The following BMS1 variants were observed in gnomAD, a reference collection of about 807,000 sequenced individuals.
BMS1 encodes the protein BMS1 ribosome biogenesis factor.
In BMS1, 53 loss-of-function variants were observed where a neutral mutation model predicts 138.7. The observed-to-expected ratio is 0.38, with a 90% confidence interval of 0.31 to 0.48. The LOEUF (loss-of-function observed/expected upper bound fraction) is 0.48. BMS1 is among the 20% of genes least tolerant of loss of function. The pLI, the probability that BMS1 is intolerant of heterozygous loss-of-function variation, is 0.97. For synonymous variants in BMS1, 504 were observed against 539.9 expected (o/e 0.93, Z 0.92); for missense variants, 1,360 against 1,565.5 (o/e 0.87, Z 2.22).
At position 42,802,194 on chromosome 10, in the gene BMS1, G is replaced by A; in HGVS notation, c.2305G>A (p.Ala769Thr). ...VTGKWEDDKD[A>T]AKVLAEDEEL... ...TGGAAAGTGGGAAGATGATAAAGAT[G>A]CAGCCAAGGTCTTAGCAGAAGATGG... Residue 769 changes from alanine (A) to threonine (T), a missense_variant, in exon 13 of 23, where the codon GCA becomes ACA. This residue lies in a region of BMS1 where 697 missense variants were observed against 686.2 expected (regional missense o/e 1.02). Transcript: ENST00000374518. 6.2e-7 allele frequency: 1 copy of A among 1,613,512 alleles called. No individual in the cohort carries two copies. Among genetic ancestry groups the A allele is most frequent in the Middle Eastern group, 1.7e-4 (1 of 6,058 alleles).
At chr10:42,810,200 GT>G (rs1842131759) in intron 13 of BMS1, among the ~76,000 whole-genome samples, 2 of 102,638 alleles carry the variant, frequency 1.9e-5, no homozygotes, top group Admixed American at 2.1e-4. Flanking sequence ...AAATGTGTGT[GT>G]TTTTTTGTTT....
chr10:42,786,217 T>A (rs1432561398), intron 3 of BMS1, among the ~76,000 whole-genome samples: 1 of 152,212 alleles, frequency 6.6e-6, no homozygotes, highest in African/African-American at 2.4e-5. Context: ...ATGCTTGCCT[T>A]ATGAAGCCAC....
In BMS1 at chr10:42,831,615, T is replaced by C. The variant is rs902660979; in HGVS notation, c.*519T>C. 6.3e-6 allele frequency: 1 copy of C among 157,582 alleles called. No homozygotes were observed. The highest frequency in any genetic ancestry group is 6.0e-5 in the Admixed American group (1 of 16,632). 9.8% of individuals were successfully genotyped at this position (157,582 alleles called of 1,614,324 possible). A position where few individuals can be genotyped will look rare whatever the true frequency, so the allele number is the denominator to read the frequency against. On this transcript the variant is annotated 3_prime_UTR_variant, in exon 23 of 23. Transcript: ENST00000374518. ...CACAAACCTAGATGGTACAGCCTAC[T>C]GTGCACCCAGGATCTATGGGCTCCT...
chr10:42,827,287 A>G (rs970835746), intron 21 of BMS1, among the ~76,000 whole-genome samples: 1 of 152,168 alleles, frequency 6.6e-6, no homozygotes, highest in Non-Finnish European at 1.5e-5. Flanking sequence ...AAGCAGGGTG[A>G]GCCAAATAAA....
At chr10:42,808,625 G>A (rs201803376) in intron 13 of BMS1, among the ~76,000 whole-genome samples, 11 of 152,128 alleles carry the variant, frequency 7.2e-5, no homozygotes, top group Non-Finnish European at 8.8e-5. Context: ...GATGAAATCC[G>A]ATTTACCAGT....
chr10:42,810,817 A>C (rs1378231299), intron 13 of BMS1, among the ~76,000 whole-genome samples: 1 of 152,170 alleles, frequency 6.6e-6, no homozygotes, highest in Non-Finnish European at 1.5e-5. Context: ...GGGTAGTCTG[A>C]GGGTGATGTT....
intron 21 of BMS1, among the ~76,000 whole-genome samples, chr10:42,824,424 T>G (rs1439683309): frequency 6.6e-6 from 1 of 152,228 alleles, no homozygotes; most frequent in Non-Finnish European, 1.5e-5. Context: ...TTTCTCCCAG[T>G]CTATAGGTTC....
intron 13 of BMS1, among the ~76,000 whole-genome samples, chr10:42,807,297 T>G (rs1313277428): frequency 1.3e-5 from 2 of 151,080 alleles, no homozygotes; most frequent in Admixed American, 6.6e-5. Flanking sequence ...TCATACAGTC[T>G]ATAAACTTTT....
intron 19 of BMS1, 102 bp from the exon 20 acceptor site, chr10:42,823,016 G>A: frequency 8.3e-7 from 1 of 1,205,950 alleles, no homozygotes; most frequent in Non-Finnish European, 1.1e-6. Flanking sequence ...CCTTCAGTGA[G>A]TTGTTTTTGT....
In BMS1 at chr10:42,785,612, A is replaced by G; in HGVS notation, c.307A>G (p.Ile103Val). The G allele has an allele frequency of 1.2e-6, 2 of 1,613,974 alleles. No individual in the cohort carries two copies. Among genetic ancestry groups the G allele is most frequent in the South Asian group, 1.1e-5 (1 of 91,076 alleles). ...AAAGAGCACTTTGATACAATGCCTC[A>G]TTCGGAACTTTACCCGGCAGAAGTT... ...VGKSTLIQCL[I>V]RNFTRQKLTE... The change falls in exon 3 of 23, where the codon ATT (isoleucine) becomes GTT (valine). Residue 103 changes from isoleucine (I) to valine (V), a missense_variant. Physicochemically the swap from Ile to Val is conservative, Grantham distance 29 (BLOSUM62 3). Around this residue, in one of 3 missense-constraint regions of BMS1, gnomAD observed 238 missense variants for 311.1 expected, o/e 0.77. Coordinates refer to ENST00000374518, the MANE Select transcript of BMS1 (RefSeq NM_014753.4).
At chr10:42,828,279 A>G (rs1368653183) in intron 21 of BMS1, among the ~76,000 whole-genome samples, 1 of 152,234 alleles carries the variant, frequency 6.6e-6, no homozygotes, top group Non-Finnish European at 1.5e-5. Context: ...GTTCTTGTCT[A>G]TGGCAGACAT....
intron 13 of BMS1, among the ~76,000 whole-genome samples, chr10:42,816,377 C>T (rs915210697): frequency 2.6e-5 from 4 of 152,044 alleles, no homozygotes; most frequent in Non-Finnish European, 4.4e-5. Flanking sequence ...ATGTGAAGTG[C>T]GGAAATGTGG....
chr10:42,830,635 T>C (rs916883648), intron 22 of BMS1, among the ~76,000 whole-genome samples: 1 of 152,064 alleles, frequency 6.6e-6, no homozygotes, highest in Admixed American at 6.6e-5. Context: ...GGGGAACCCT[T>C]CTGTCTCGGT....
intron 13 of BMS1, among the ~76,000 whole-genome samples, chr10:42,814,571 C>T (rs537393980): frequency 5.9e-4 from 90 of 152,298 alleles, no homozygotes; most frequent in African/African-American, 2.1e-3. Context: ...GTTCCAACAT[C>T]TGCCTATGTA....
Position 42,830,980 on chromosome 10 carries a change from G to A in BMS1, c.3733G>A (p.Glu1245Lys), listed in dbSNP as rs1258013935. ...EHFRAKQKEE[E>K]EKLKRQKDLR... ...CTTCAGAGCCAAGCAGAAGGAGGAGGAGGAGAAGCTGAAGCGGCAGAAGGA... is the reference window on the plus strand; with the variant it reads ...CTTCAGAGCCAAGCAGAAGGAGGAGAAGGAGAAGCTGAAGCGGCAGAAGGA... Residue 1245 changes from glutamate to lysine, a missense_variant, in exon 23 of 23, where the codon GAG becomes AAG. Glu to Lys is a moderately conservative substitution (Grantham distance 56). Coordinates refer to ENST00000374518, the MANE Select transcript of BMS1 (RefSeq NM_014753.4). The A allele has an allele frequency of 3.1e-6, 5 of 1,608,458 alleles. No homozygotes were observed. The African/African-American group carries it at 5.4e-5, about 17-fold the overall frequency.
intron 13 of BMS1, among the ~76,000 whole-genome samples, chr10:42,804,692 GTATT>G (rs1841964657): frequency 6.6e-6 from 1 of 151,546 alleles, no homozygotes; most frequent in Non-Finnish European, 1.5e-5. Context: ...ACAGAGCAAA[GTATT>G]TAGTTCTGGT....
Position 42,784,443 on chromosome 10 carries a change from A to C in BMS1, c.49A>C (p.Lys17Gln). 1.2e-6 allele frequency: 2 copies of C among 1,613,340 alleles called. No homozygotes were observed. The highest frequency in any genetic ancestry group is 1.7e-6 in the Non-Finnish European group (2 of 1,179,856). The change falls in exon 2 of 23, where the codon AAA becomes CAA. Residue 17 changes from lysine (K) to glutamine (Q), a missense_variant. Physicochemically the swap from Lys to Gln is moderately conservative, Grantham distance 53. This residue lies in a region of BMS1 where 238 missense variants were observed against 311.1 expected (regional missense o/e 0.77). Transcript: ENST00000374518. ...KKHRKKNSGPKAAKKKKRLLQ... is the reference protein window; with the variant it reads ...KKHRKKNSGPQAAKKKKRLLQ... The stretch of plus-strand genomic sequence containing the variant: ...ACACAGAAAGAAAAACAGTGGACCC[A>C]AAGCTGCAAAGAAAAAGAAGCGGCT...
intron 13 of BMS1, among the ~76,000 whole-genome samples, chr10:42,811,520 CTTTTTCTTT>C (rs1167472145): frequency 8.2e-6 from 1 of 121,568 alleles, no homozygotes; most frequent in Non-Finnish European, 1.6e-5. Context: ...GTTGTATTTT[CTTTTTCTTT>C]TTTTTTTTTT....
At chr10:42,818,931 C>A (rs1334786614) in intron 15 of BMS1, among the ~76,000 whole-genome samples, 2 of 152,138 alleles carry the variant, frequency 1.3e-5, no homozygotes, top group African/African-American at 4.8e-5. Context: ...TTGTTCAGAT[C>A]CTGCTGCCAT....
Sources: allele counts gnomAD v4.1 joint callset (sites outside exome capture counted in the v4.1 genomes callset), GRCh38; gene constraint gnomAD v4.1.1; regional missense constraint gnomAD v4.1.1; transcripts MANE v1.5; gene names NCBI Gene and HGNC (gene_info 2026-07-23, HGNC 2026-07-21).